Variants in PRKAG2 observed in about 807,000 individuals in gnomAD.
PRKAG2 encodes the protein protein kinase AMP-activated non-catalytic subunit gamma 2.
A neutral mutation model predicts 69.6 loss-of-function variants in PRKAG2; 26 were observed. The ratio of observed to expected loss-of-function variants is 0.37; its 90% CI spans 0.27 to 0.52. The LOEUF (loss-of-function observed/expected upper bound fraction) is 0.52, where lower values mean the gene tolerates loss of function less well. Among genes scored for constraint, PRKAG2 ranks in the 20% least tolerant of loss-of-function variants. The pLI, the probability that PRKAG2 is intolerant of heterozygous loss-of-function variation, is 0.90. For synonymous variants in PRKAG2, 293 were observed against 285.0 expected (o/e 1.03, Z -0.28); for missense variants, 557 against 740.0 (o/e 0.75, Z 2.87).
At chr7:151,730,435 C>T (rs1159085676) in intron 3 of PRKAG2, among the ~76,000 whole-genome samples, 2 of 152,180 alleles carry the variant, frequency 1.3e-5, no homozygotes, top group South Asian at 2.1e-4. Flanking sequence ...GGGAAGCCAA[C>T]GTGGAGGATC....
At chr7:151,872,577 C>T (rs1264320173) in intron 1 of PRKAG2, among the ~76,000 whole-genome samples, 1 of 152,174 alleles carries the variant, frequency 6.6e-6, no homozygotes, top group Non-Finnish European at 1.5e-5. Context: ...CCCCACCCTG[C>T]TAGGGATCCC....
At chr7:151,739,079 G>A (rs1043205212) in intron 3 of PRKAG2, among the ~76,000 whole-genome samples, 9 of 152,196 alleles carry the variant, frequency 5.9e-5, no homozygotes, top group East Asian at 1.9e-4. Context: ...AGCTGGTCTC[G>A]GTAGCCTCCA....
At chr7:151,763,518 G>C (rs1253905115) in intron 3 of PRKAG2, among the ~76,000 whole-genome samples, 1 of 152,224 alleles carries the variant, frequency 6.6e-6, no homozygotes, top group Admixed American at 6.5e-5. Context: ...TGACCCCAGG[G>C]CCTTGAAGGA....
intron 3 of PRKAG2, among the ~76,000 whole-genome samples, chr7:151,743,596 T>C (rs568413492): frequency 6.6e-6 from 1 of 152,342 alleles, no homozygotes; most frequent in East Asian, 1.9e-4. Flanking sequence ...TTCTGGCTTT[T>C]GGTTTAATTT....
chr7:151,874,387 TATG>T (rs1311542919), intron 1 of PRKAG2, among the ~76,000 whole-genome samples: 1 of 81,574 alleles, frequency 1.2e-5, no homozygotes. Flanking sequence ...TGTATATGTA[TATG>T]ATGTATATGT....
chr7:151,814,883 A>G lies in PRKAG2; in HGVS notation c.115-28342T>C. The G allele has an allele frequency of 8.1e-7, 1 of 1,231,712 alleles. No homozygotes were observed. The highest frequency in any genetic ancestry group is 4.1e-5 in the South Asian group (1 of 24,216). The allele number at this position is 1,231,712 out of a possible 1,614,324, so 76.3% of individuals were successfully genotyped here. The stretch of plus-strand genomic sequence containing the variant: ...CTGGGGAGGAAACTCCTTACCACAC[A>G]GCAAGCCAGCAGGAGGGAGGGCTGG... On this transcript the variant is annotated intron_variant, in intron 1 of 15. Coordinates refer to ENST00000287878, the MANE Select transcript of PRKAG2 (RefSeq NM_016203.4). The surrounding 1 kb of genome is among the most constrained non-coding windows in gnomAD (Gnocchi z 4.8).
chr7:151,676,692 A>G (rs926728111), intron 3 of PRKAG2, among the ~76,000 whole-genome samples: 1 of 152,224 alleles, frequency 6.6e-6, no homozygotes, highest in African/African-American at 2.4e-5. Context: ...AAGAGGTTAA[A>G]TAAATCATGG....
chr7:151,813,472 T>G (rs533237910), intron 1 of PRKAG2, among the ~76,000 whole-genome samples: 1 of 147,982 alleles, frequency 6.8e-6, no homozygotes, highest in South Asian at 2.2e-4. Flanking sequence ...AGCCTCTGGC[T>G]TACGGAAGGC....
At chr7:151,560,157 T>A (rs1804588864) in intron 15 of PRKAG2, 2 of 985,310 alleles carry the variant, frequency 2.0e-6, no homozygotes, top group Non-Finnish European at 2.4e-6. Context: ...GATGAAGGTA[T>A]CAAATAGAAG....
intron 3 of PRKAG2, chr7:151,736,272 C>T (rs948191968): frequency 2.5e-5 from 32 of 1,288,990 alleles, no homozygotes; most frequent in Middle Eastern, 3.0e-4. Context: ...GCAGCTGGAG[C>T]GTCAGCCCGG....
intron 3 of PRKAG2, among the ~76,000 whole-genome samples, chr7:151,702,127 G>A (rs1413274852): frequency 6.6e-6 from 1 of 152,246 alleles, no homozygotes; most frequent in Non-Finnish European, 1.5e-5. Context: ...AAGATGGACA[G>A]CATGGATACA....
At chr7:151,720,226 T>A (rs967406419) in intron 3 of PRKAG2, among the ~76,000 whole-genome samples, 2 of 152,158 alleles carry the variant, frequency 1.3e-5, no homozygotes, top group Non-Finnish European at 2.9e-5. Context: ...GGAAAGGTAG[T>A]GGAAGCCCAG....
In PRKAG2 at chr7:151,798,841, G is replaced by A. The variant is rs567384632; in HGVS notation, c.115-12300C>T. On this transcript the variant is annotated intron_variant, in intron 1 of 15. Coordinates refer to ENST00000287878, the MANE Select transcript of PRKAG2 (RefSeq NM_016203.4). ...CTTTATGCCCAGAAATACACATGGA[G>A]TTAAGAACACAGAACATCACATCTC... Among the ~76,000 whole-genome samples the A allele has an allele frequency of 1.2e-4, 19 of 152,254 alleles. 1 individual carries two copies. In the East Asian group the frequency reaches 3.7e-3, roughly 29 times the overall value.
At chr7:151,774,408 T>C (rs1274865098) in intron 3 of PRKAG2, among the ~76,000 whole-genome samples, 1 of 152,206 alleles carries the variant, frequency 6.6e-6, no homozygotes, top group East Asian at 1.9e-4. Context: ...TCTTAGAGTG[T>C]CTTAGAAGAT....
At chr7:151,626,634 G>A (rs755898880) in intron 5 of PRKAG2, among the ~76,000 whole-genome samples, 6 of 151,852 alleles carry the variant, frequency 4.0e-5, no homozygotes, top group South Asian at 2.1e-4. Flanking sequence ...TCAGTGCCCC[G>A]CAGTAGAGTC....
chr7:151,732,817 C>G (rs565761172), intron 3 of PRKAG2, among the ~76,000 whole-genome samples: 2 of 152,094 alleles, frequency 1.3e-5, no homozygotes, highest in Admixed American at 1.3e-4. Flanking sequence ...CTCAGCCTCC[C>G]GAGCAGCTGG....
At chr7:151,736,242 G>C in intron 3 of PRKAG2, 1 of 1,356,708 alleles carries the variant, frequency 7.4e-7, no homozygotes. Flanking sequence ...CGTCCTGACG[G>C]GGCTGCACCT....
chr7:151,709,702 G>A (rs56012466), intron 3 of PRKAG2, among the ~76,000 whole-genome samples: 38,723 of 151,772 alleles, frequency 0.26, 5,314 homozygotes, highest in African/African-American at 0.3. Flanking sequence ...ACATAACACT[G>A]ACACTGACAA....
chr7:151,618,620 C>A (rs1247595621), intron 5 of PRKAG2, among the ~76,000 whole-genome samples: 1 of 151,870 alleles, frequency 6.6e-6, no homozygotes, highest in African/African-American at 2.4e-5. Flanking sequence ...CAAAAATCAG[C>A]CAGGCATGGT....
Sources: gnomAD v4.1 joint callset for allele counts (sites outside exome capture counted in the v4.1 genomes callset) on GRCh38, gnomAD v4.1.1 for gene constraint, Gnocchi (gnomAD v3.1) non-coding constraint, MANE v1.5 for transcripts, NCBI Gene and HGNC (gene_info 2026-07-23, HGNC 2026-07-21) for gene names.